Variants in ZNF711 observed in about 807,000 individuals in gnomAD.
ZNF711 encodes the protein ZFX family zinc finger ZNF711, also known as zinc finger protein 711.
Under a neutral mutation model 43.5 loss-of-function variants are expected in ZNF711, and 3 were observed. That is an observed-to-expected ratio of 0.07 (90% CI 0.03 to 0.18). ZNF711 has a LOEUF of 0.18. Ranked by LOEUF, ZNF711 falls within the 10% of genes least tolerant of loss-of-function variation. ZNF711 has a pLI of 1.00. For missense variants in ZNF711, 412 were observed against 604.0 expected (o/e 0.68, Z 3.33); for synonymous variants, 209 against 207.7 (o/e 1.01, Z -0.06).
chrX:85,256,732 T>C (rs2147824695), intron 5 of ZNF711, among the ~76,000 whole-genome samples: 1 of 103,720 alleles, frequency 9.6e-6, no homozygotes, highest in Non-Finnish European at 1.9e-5. Flanking sequence ...ATTTGTGAAT[T>C]TAATTGTAAA....
chrX:85,264,944 C>A (rs187845969), intron 6 of ZNF711, among the ~76,000 whole-genome samples, 174 bp from the exon 7 acceptor site: 95 of 111,231 alleles, frequency 8.5e-4, no homozygotes, highest in African/African-American at 2.5e-3. Context: ...ATTGTCATTT[C>A]TCAGTGATAG....
chrX:85,254,470 G>A lies in ZNF711; in HGVS notation c.80-789G>A, dbSNP rs771759294. On this transcript the variant is annotated intron_variant, in intron 4 of 10. Coordinates refer to ENST00000674551, the MANE Select transcript of ZNF711 (RefSeq NM_001330574.2). Reference sequence around the variant, plus strand: ...AAAATACAAAAAATTAGCCGGGCGCGGTGGCGGGCGCCTGTAGTCCCAGCT... The same window carrying A: ...AAAATACAAAAAATTAGCCGGGCGCAGTGGCGGGCGCCTGTAGTCCCAGCT... Among the ~76,000 whole-genome samples the A allele has an allele frequency of 7.3e-5, 6 of 82,605 alleles. 2 individuals carry two copies. Among genetic ancestry groups the A allele is most frequent in the East Asian group, 7.0e-4 (2 of 2,853 alleles). The allele number at this position is 82,605 out of a possible 115,157, so 71.7% of individuals were successfully genotyped here. A position where few individuals can be genotyped will look rare whatever the true frequency, so the allele number is the denominator to read the frequency against.
At chrX:85,258,748 A>C (rs2147833057) in intron 5 of ZNF711, among the ~76,000 whole-genome samples, 1 of 109,094 alleles carries the variant, frequency 9.2e-6, no homozygotes, top group Non-Finnish European at 1.9e-5. Flanking sequence ...CCCCGTTTTT[A>C]TTGGAGTTAC....
rs1929782074 is a variant in ZNF711 at position 85,253,832 on chromosome X, C to CTT, written c.80-1427_80-1426insTT. 4.5e-5 allele frequency among the ~76,000 whole-genome samples: 5 copies of CTT among 109,903 alleles called. No individual in the cohort carries two copies. In the Admixed American group the frequency reaches 4.9e-4, roughly 11 times the overall value. On this transcript the variant is annotated intron_variant, in intron 4 of 10. Coordinates refer to ENST00000674551, the MANE Select transcript of ZNF711 (RefSeq NM_001330574.2). The stretch of plus-strand genomic sequence containing the variant: ...CCTTGGCAACCAATAATCTGTTCTC[C>CTT]ATCTCTATAGTTTTATTGTTTTGAG...
chrX:85,247,673 A>AT lies in ZNF711; in HGVS notation c.79+29dup, dbSNP rs774159538. The AT allele has an allele frequency of 2.6e-4, 307 of 1,172,266 alleles. 1 individual carries two copies. Among genetic ancestry groups the AT allele is most frequent in the Non-Finnish European group, 3.4e-4 (290 of 861,422 alleles). On this transcript the variant is annotated intron_variant, in intron 4 of 10. Coordinates refer to ENST00000674551, the MANE Select transcript of ZNF711 (RefSeq NM_001330574.2). The stretch of plus-strand genomic sequence containing the variant: ...TTTGGTAAAGCATTTTCTTTGTTGT[A>AT]TTTTTTTCTTTTTTAGAAGTAAGGG...
intron 5 of ZNF711, among the ~76,000 whole-genome samples, chrX:85,256,668 G>A (rs1384718078): frequency 3.6e-5 from 4 of 110,929 alleles, no homozygotes; most frequent in South Asian, 3.8e-4. Flanking sequence ...TAAAGTGATC[G>A]TATGTATATG....
In ZNF711 at chrX:85,270,046, A is replaced by C. The variant is rs1249007266; in HGVS notation, c.1146A>C (p.Ala382=). The change falls in exon 10 of 11, where the codon GCA becomes GCC. Residue 382 remains alanine, a synonymous_variant. Coordinates refer to ENST00000674551, the MANE Select transcript of ZNF711 (RefSeq NM_001330574.2). ...CATTAGAAAGCAGAAGTAGTACAGC[A>C]GCACAGTACCTTCAAATTTGTGACG... ...DSALESRSST[A]AQYLQICDGI... 2 of 1,210,381 alleles carry C rather than the reference A, an allele frequency of 1.7e-6. No homozygotes were observed. Among genetic ancestry groups the C allele is most frequent in the South Asian group, 3.5e-5 (2 of 56,993 alleles).
intron 5 of ZNF711, among the ~76,000 whole-genome samples, chrX:85,262,031 A>G (rs756696090): frequency 3.3e-4 from 37 of 111,059 alleles, no homozygotes; most frequent in African/African-American, 1.1e-3. Flanking sequence ...GCGTGCCAAT[A>G]TCTTTAATAA....
chrX:85,258,002 C>T (rs768905412), intron 5 of ZNF711, among the ~76,000 whole-genome samples: 20 of 112,699 alleles, frequency 1.8e-4, no homozygotes, highest in Admixed American at 1.3e-3. Context: ...AAAACTAGAT[C>T]TACTGTTTGA....
chrX:85,260,609 C>A (rs938492827), intron 5 of ZNF711, among the ~76,000 whole-genome samples: 2 of 96,383 alleles, frequency 2.1e-5, no homozygotes, highest in East Asian at 3.2e-4. Flanking sequence ...CTGTTAGCCC[C>A]CCCCCCATCC....
Position 85,268,167 on chromosome X carries a change from A to G in ZNF711, c.1055-127A>G, listed in dbSNP as rs990131452. ...CCTATAGGAGTGGAAGAACACAACA[A>G]TTTTTTTTAACCCAAGGAATGGTGG... On this transcript the variant is annotated intron_variant, in intron 8 of 10. Transcript: ENST00000674551. The G allele has an allele frequency of 2.3e-5, 19 of 836,637 alleles. No individual in the cohort carries two copies. In the Admixed American group the frequency reaches 6.2e-4, roughly 27 times the overall value. The allele number at this position is 836,637 out of a possible 1,213,427, so 68.9% of individuals were successfully genotyped here.
rs372169071 is a variant in ZNF711, at chrX:85,271,638, C to T, written c.2234C>T (p.Thr745Ile). ...NELKKHMKTH[T>I]GRKIYQCEYC... ...CTAAAAAAACATATGAAGACCCATA[C>T]TGGAAGGAAGATTTACCAATGTGAG... The change falls in exon 11 of 11, where the codon ACT becomes ATT. Residue 745 changes from threonine (T) to isoleucine (I), a missense_variant. Coordinates refer to ENST00000674551, the MANE Select transcript of ZNF711 (RefSeq NM_001330574.2). 24 of 1,208,398 alleles carry T rather than the reference C, an allele frequency of 2.0e-5. 1 individual carries two copies. Among genetic ancestry groups the T allele is most frequent in the Non-Finnish European group, 2.6e-5 (23 of 894,262 alleles).
chrX:85,266,013 A>C (rs904205723), intron 7 of ZNF711, among the ~76,000 whole-genome samples: 1 of 111,265 alleles, frequency 9.0e-6, no homozygotes, highest in African/African-American at 3.3e-5. Flanking sequence ...TTATGAAGAC[A>C]TTTTGCTCTC....
At chrX:85,251,156 A>G (rs1433614368) in intron 4 of ZNF711, among the ~76,000 whole-genome samples, 1 of 111,725 alleles carries the variant, frequency 9.0e-6, no homozygotes, top group Non-Finnish European at 1.9e-5. Flanking sequence ...AGTTTAACAT[A>G]CACAGAGCTA....
chrX:85,256,095 A>G (rs1269444406), intron 5 of ZNF711, among the ~76,000 whole-genome samples: 2 of 111,638 alleles, frequency 1.8e-5, no homozygotes, highest in Admixed American at 1.9e-4. Context: ...TTAATGATAA[A>G]TATATATATT....
intron 4 of ZNF711, among the ~76,000 whole-genome samples, chrX:85,254,897 A>C (rs1488979327): frequency 1.8e-5 from 2 of 111,622 alleles, no homozygotes; most frequent in Non-Finnish European, 3.8e-5. Flanking sequence ...ATAACGTTTG[A>C]GAAATCCAGT....
chrX:85,267,682 T>A (rs1931207420), intron 8 of ZNF711, among the ~76,000 whole-genome samples: 1 of 111,661 alleles, frequency 9.0e-6, no homozygotes, highest in Non-Finnish European at 1.9e-5. Flanking sequence ...CCATAAAAAA[T>A]TTTATTTTTC....
intron 8 of ZNF711, 43 bp downstream of exon 8, chrX:85,267,458 T>C (rs1931183355): frequency 9.7e-7 from 1 of 1,029,196 alleles, no homozygotes; most frequent in Non-Finnish European, 1.2e-6. Flanking sequence ...ACATAATATG[T>C]ATTTACTCAG....
In ZNF711 at chrX:85,271,763, G is replaced by A; in HGVS notation, c.2359G>A (p.Gly787Arg). 8.3e-7 allele frequency: 1 copy of A among 1,210,840 alleles called. No homozygotes were observed. Among genetic ancestry groups the A allele is most frequent in the Non-Finnish European group, 1.1e-6 (1 of 895,010 alleles). ...YPHRCEFCKKGFRRPSEKNQH... is the reference protein window; with the variant it reads ...YPHRCEFCKKRFRRPSEKNQH... ...ACACAGGTGTGAATTCTGCAAGAAG[G>A]GATTCCGAAGACCATCAGAAAAAAA... is the stretch of plus-strand genomic sequence containing the variant. The change falls in exon 11 of 11, where the codon GGA (glycine) becomes AGA (arginine). Residue 787 changes from glycine (G) to arginine (R), a missense_variant. Coordinates refer to ENST00000674551, the MANE Select transcript of ZNF711 (RefSeq NM_001330574.2).
Sources: allele counts gnomAD v4.1 joint callset (sites outside exome capture counted in the v4.1 genomes callset), GRCh38; gene constraint gnomAD v4.1.1; transcripts MANE v1.5; gene names NCBI Gene and HGNC (gene_info 2026-07-23, HGNC 2026-07-21).